VEPH1: variants seen among roughly 807,000 people sequenced by gnomAD.
The protein encoded by VEPH1 is ventricular zone expressed PH domain containing 1.
Under a neutral mutation model 85.2 loss-of-function variants are expected in VEPH1, and 80 were observed. The observed-to-expected ratio is 0.94, with a 90% CI of 0.78 to 1.13. The LOEUF (loss-of-function observed/expected upper bound fraction) is 1.13, where lower values mean the gene tolerates loss of function less well. Ranked by LOEUF, VEPH1 falls within the 50% of genes most tolerant of loss-of-function variation. VEPH1 has a pLI of 0.00. For missense variants in VEPH1, 955 were observed against 980.5 expected, an observed-to-expected ratio of 0.97 and a Z score of 0.35; for synonymous variants, 297 against 348.0, an observed-to-expected ratio of 0.85 and a Z score of 1.63.
intron 12 of VEPH1, chr3:157,284,945 A>G (rs1210208417): frequency 1.3e-5 from 2 of 152,208 alleles, no homozygotes; most frequent in Non-Finnish European, 2.9e-5. Flanking sequence ...GAAAACATGT[A>G]TTAAAGGAAC....
At chr3:157,371,743 A>T (rs1174435795) in intron 7 of VEPH1, among the ~76,000 whole-genome samples, 2 of 152,184 alleles carry the variant, frequency 1.3e-5, no homozygotes, top group Admixed American at 1.3e-4. Flanking sequence ...GTAAGACTTA[A>T]TCTGTGGATT....
At chr3:157,303,268 C>T (rs1431075570) in intron 11 of VEPH1, among the ~76,000 whole-genome samples, 4 of 152,194 alleles carry the variant, frequency 2.6e-5, no homozygotes, top group Non-Finnish European at 5.9e-5. Flanking sequence ...AACAAATGCT[C>T]ATTTTCTTTA....
intron 5 of VEPH1, among the ~76,000 whole-genome samples, chr3:157,426,935 G>A (rs2109109039): frequency 6.7e-6 from 1 of 149,770 alleles, no homozygotes; most frequent in East Asian, 2.0e-4. Context: ...AGCCTCCCAA[G>A]TAGATGGGAT....
chr3:157,495,382 C>G lies in VEPH1; in HGVS notation c.-33G>C, dbSNP rs368298482. On this transcript the variant is annotated 5_prime_UTR_variant, in exon 2 of 14. Transcript: ENST00000362010. ...ATGAGTTTGATCAGTTGACTTTCTACAGACCCAGAGTCATGTGTTCCAGTT... is the reference window on the plus strand; with the variant it reads ...ATGAGTTTGATCAGTTGACTTTCTAGAGACCCAGAGTCATGTGTTCCAGTT... 1 of 1,611,094 alleles carries G rather than the reference C, an allele frequency of 6.2e-7. No homozygotes were observed. Among genetic ancestry groups the G allele is most frequent in the African/African-American group, 1.3e-5 (1 of 74,806 alleles).
chr3:157,303,781 C>T (rs546357293), intron 11 of VEPH1, among the ~76,000 whole-genome samples: 1 of 151,946 alleles, frequency 6.6e-6, no homozygotes, highest in South Asian at 2.1e-4. Context: ...ATCTTTTTAC[C>T]TCACCATTGC....
intron 2 of VEPH1, chr3:157,489,163 G>C (rs1560107228): frequency 2.2e-6 from 1 of 456,298 alleles, no homozygotes; most frequent in Non-Finnish European, 4.4e-6. Context: ...TCCACAGACT[G>C]TTCCCAAAAC....
chr3:157,470,087 G>A (rs565679684), intron 3 of VEPH1, among the ~76,000 whole-genome samples: 1 of 152,222 alleles, frequency 6.6e-6, no homozygotes, highest in South Asian at 2.1e-4. Flanking sequence ...TTAGAGGCTT[G>A]CAGTGGTATT....
chr3:157,309,218 C>A (rs1418764716), intron 11 of VEPH1, among the ~76,000 whole-genome samples: 3 of 151,996 alleles, frequency 2.0e-5, no homozygotes, highest in Non-Finnish European at 4.4e-5. Context: ...TTGGCTCATG[C>A]TTTCAAGCAA....
At chr3:157,501,923 C>T (rs1740146479) in intron 1 of VEPH1, among the ~76,000 whole-genome samples, 1 of 152,218 alleles carries the variant, frequency 6.6e-6, no homozygotes, top group Non-Finnish European at 1.5e-5. Context: ...TAGAAACTTT[C>T]AATAAAGTTC....
chr3:157,336,281 A>G (rs1314893749), intron 9 of VEPH1, among the ~76,000 whole-genome samples: 1 of 152,176 alleles, frequency 6.6e-6, no homozygotes, highest in Non-Finnish European at 1.5e-5. Flanking sequence ...CCCCAAAACC[A>G]ATTACTTTGA....
At chr3:157,295,870 G>T (rs1289397032) in intron 11 of VEPH1, among the ~76,000 whole-genome samples, 3 of 152,116 alleles carry the variant, frequency 2.0e-5, no homozygotes, top group Non-Finnish European at 2.9e-5. Flanking sequence ...CTGGAGAATC[G>T]CTTGAACCTG....
intron 2 of VEPH1, chr3:157,493,068 G>T (rs1739359108): frequency 6.2e-6 from 2 of 321,334 alleles, no homozygotes; most frequent in Non-Finnish European, 1.2e-5. Context: ...GATAGGGAAG[G>T]GTAGTGGGCA....
chr3:157,317,167 G>A lies in VEPH1; in HGVS notation c.1770C>T (p.Phe590=), dbSNP rs1405961483. ...TVRSCVAKLF[F]TCSLKGHYCL... Reference sequence around the variant, plus strand: ...AGTAATGACCCTTCAGGGAGCAGGTGAAGAACAACTTTGCTACACAACTTC... The same window carrying A: ...AGTAATGACCCTTCAGGGAGCAGGTAAAGAACAACTTTGCTACACAACTTC... The change falls in exon 10 of 14, where the codon TTC becomes TTT. Residue 590 remains phenylalanine (F), a synonymous_variant. Transcript: ENST00000362010. 6.2e-7 allele frequency: 1 copy of A among 1,612,260 alleles called. No homozygotes were observed. The highest frequency in any genetic ancestry group is 1.7e-5 in the Admixed American group (1 of 59,770).
intron 5 of VEPH1, among the ~76,000 whole-genome samples, chr3:157,416,931 A>C (rs1015723507): frequency 4.6e-5 from 7 of 152,068 alleles, no homozygotes; most frequent in Non-Finnish European, 8.8e-5. Flanking sequence ...GAAAGAAAGA[A>C]GAGAGAAAAG....
rs116009499 is a variant in VEPH1, at chr3:157,289,495, C to T, written c.2011-2821G>A. On this transcript the variant is annotated intron_variant, in intron 11 of 13. Coordinates refer to ENST00000362010, the MANE Select transcript of VEPH1 (RefSeq NM_001167912.2). Reference sequence around the variant, plus strand: ...TGAAGTTGGTGATAATAGCACACTTCGAATGGAAAGACAGATGAAACACAT... The same window carrying T: ...TGAAGTTGGTGATAATAGCACACTTTGAATGGAAAGACAGATGAAACACAT... Among the ~76,000 whole-genome samples the T allele has an allele frequency of 7.2e-3, 1,092 of 152,240 alleles. 18 individuals carry two copies. The highest frequency in any genetic ancestry group is 0.022 in the African/African-American group (933 of 41,554).
chr3:157,286,482 C>A, intron 12 of VEPH1, 75 bp downstream of exon 12: 1 of 1,187,044 alleles, frequency 8.4e-7, no homozygotes, highest in Non-Finnish European at 1.3e-6. Context: ...GGAAGGCCAC[C>A]TAGAAAAATG....
At chr3:157,376,563 A>C (rs1322017772) in intron 7 of VEPH1, among the ~76,000 whole-genome samples, 1 of 152,198 alleles carries the variant, frequency 6.6e-6, no homozygotes, top group Non-Finnish European at 1.5e-5. Flanking sequence ...AAAAAATATA[A>C]ATGCTTTGCT....
In VEPH1 at chr3:157,304,019, T is replaced by TA. The variant is rs71872669; in HGVS notation, c.2010+9601_2010+9602insT. Among the ~76,000 whole-genome samples, 421 of 52,148 alleles carry TA rather than the reference T, an allele frequency of 8.1e-3. 6 individuals are homozygous for TA. Among genetic ancestry groups the TA allele is most frequent in the South Asian group, 0.024 (37 of 1,558 alleles). The allele number at this position is 52,148 out of a possible 152,430, so 34.2% of individuals were successfully genotyped here. On this transcript the variant is annotated intron_variant, in intron 11 of 13. Transcript: ENST00000362010. ...GTAGACTTAAATTTCTCATCTTATA[T>TA]TTTTTATATATATATATATACACAC...
chr3:157,284,355 T>G (rs749354491), intron 12 of VEPH1, among the ~76,000 whole-genome samples: 1 of 152,188 alleles, frequency 6.6e-6, no homozygotes, highest in Non-Finnish European at 1.5e-5. Flanking sequence ...TTATTCATAT[T>G]TCTATCCCAA....
Sources: allele counts gnomAD v4.1 joint callset (sites outside exome capture counted in the v4.1 genomes callset), GRCh38; gene constraint gnomAD v4.1.1; transcripts MANE v1.5; gene names NCBI Gene and HGNC (gene_info 2026-07-23, HGNC 2026-07-21).